TBC1D5: variants seen among roughly 807,000 people sequenced by gnomAD.
TBC1D5 encodes the protein TBC1 domain family member 5.
Under a neutral mutation model 100.3 loss-of-function variants are expected in TBC1D5, and 75 were observed. That is an observed-to-expected ratio of 0.75 (90% CI 0.62 to 0.91). The LOEUF (loss-of-function observed/expected upper bound fraction) is 0.91, where lower values mean the gene tolerates loss of function less well. TBC1D5 is among the 40% of genes least tolerant of loss of function. The pLI, the probability that TBC1D5 is intolerant of heterozygous loss-of-function variation, is 0.00. For missense variants in TBC1D5, 910 were observed against 942.4 expected, an observed-to-expected ratio of 0.97 and a Z score of 0.45; for synonymous variants, 323 against 325.6, an observed-to-expected ratio of 0.99 and a Z score of 0.09.
intron 2 of TBC1D5, 101 bp from the exon 3 acceptor site, chr3:17,508,706 T>G (rs1427805893): frequency 1.9e-6 from 1 of 533,134 alleles, no homozygotes; most frequent in Non-Finnish European, 3.3e-6. Flanking sequence ...TTACAGACAT[T>G]AACAAGTTTT....
chr3:17,723,733 T>C (rs1199050140), intron 1 of TBC1D5, among the ~76,000 whole-genome samples: 1 of 152,172 alleles, frequency 6.6e-6, no homozygotes, highest in Non-Finnish European at 1.5e-5. Flanking sequence ...AAAATACATG[T>C]AGATACCAGT....
chr3:17,583,776 C>T (rs2153541897), intron 2 of TBC1D5, among the ~76,000 whole-genome samples: 1 of 152,220 alleles, frequency 6.6e-6, no homozygotes, highest in African/African-American at 2.4e-5. Context: ...AATGATGCAA[C>T]TGCCATGGAA....
At chr3:17,627,127 A>G (rs950396232) in intron 1 of TBC1D5, among the ~76,000 whole-genome samples, 2 of 152,234 alleles carry the variant, frequency 1.3e-5, no homozygotes, top group African/African-American at 4.8e-5. Context: ...GGCAGGAGCA[A>G]AAACTACTAA....
rs572100437 is a variant in TBC1D5, at chr3:17,361,166, C to T, written c.995+10909G>A. ...TGTAACTATTTACGTGACTGGAACG[C>T]TATTTCCTGTGTGTGAAAAGTACCA... On this transcript the variant is annotated intron_variant, in intron 13 of 21. Coordinates refer to ENST00000253692, the Ensembl canonical transcript of TBC1D5. 1.1e-3 allele frequency among the ~76,000 whole-genome samples: 160 copies of T among 152,030 alleles called. 1 individual carries two copies. The highest frequency in any genetic ancestry group is 3.6e-3 in the African/African-American group (151 of 41,508).
At chr3:17,469,950 T>C (rs1242162973) in intron 3 of TBC1D5, among the ~76,000 whole-genome samples, 1 of 152,262 alleles carries the variant, frequency 6.6e-6, no homozygotes, top group African/African-American at 2.4e-5. Flanking sequence ...AGAATTTAGT[T>C]AATCATCTCA....
chr3:17,582,596 GA>G (rs2096705911), intron 2 of TBC1D5, among the ~76,000 whole-genome samples: 1 of 150,060 alleles, frequency 6.7e-6, no homozygotes, highest in African/African-American at 2.5e-5. Flanking sequence ...TTGAGGTTGA[GA>G]AATGTCTTCA....
At chr3:17,389,436 A>G (rs1423067750) in intron 8 of TBC1D5, among the ~76,000 whole-genome samples, 2 of 152,146 alleles carry the variant, frequency 1.3e-5, no homozygotes, top group Non-Finnish European at 2.9e-5. Context: ...TAAACGTGTC[A>G]AAAGTGGTGG....
chr3:17,336,521 T>C (rs1178327836), intron 13 of TBC1D5, among the ~76,000 whole-genome samples: 2 of 152,080 alleles, frequency 1.3e-5, no homozygotes, highest in South Asian at 2.1e-4. Flanking sequence ...TTGGCATTCA[T>C]TCAAAGTTGT....
intron 2 of TBC1D5, among the ~76,000 whole-genome samples, chr3:17,586,976 G>A (rs1169778253): frequency 2.0e-5 from 3 of 151,778 alleles, no homozygotes; most frequent in Non-Finnish European, 4.4e-5. Context: ...ATGGAAATTT[G>A]ACATTTGAAA....
chr3:17,530,536 G>A (rs937437589), intron 2 of TBC1D5, among the ~76,000 whole-genome samples: 3 of 152,140 alleles, frequency 2.0e-5, no homozygotes, highest in African/African-American at 4.8e-5. Context: ...CACTCCACAA[G>A]GCATTCCTGC....
intron 13 of TBC1D5, among the ~76,000 whole-genome samples, chr3:17,369,017 T>C (rs1461658215): frequency 5.9e-5 from 9 of 152,196 alleles, no homozygotes; most frequent in African/African-American, 1.9e-4. Flanking sequence ...GATTAAGATA[T>C]TTGTGTGATA....
At chr3:17,636,546 C>T (rs965899638) in intron 1 of TBC1D5, among the ~76,000 whole-genome samples, 11 of 152,014 alleles carry the variant, frequency 7.2e-5, no homozygotes, top group African/African-American at 2.7e-4. Flanking sequence ...AATCCCAGCA[C>T]TTTGGGAGGC....
intron 13 of TBC1D5, among the ~76,000 whole-genome samples, chr3:17,352,691 AAAAAAAAAC>A (rs1309377265): frequency 1.3e-5 from 2 of 149,526 alleles, no homozygotes; most frequent in East Asian, 2.0e-4. Context: ...GGCAAAAAAA[AAAAAAAAAC>A]AAAAAAACCT....
At chr3:17,674,303 A>G (rs2068351441) in intron 1 of TBC1D5, among the ~76,000 whole-genome samples, 1 of 152,196 alleles carries the variant, frequency 6.6e-6, no homozygotes, top group Non-Finnish European at 1.5e-5. Flanking sequence ...GATGCCTCTC[A>G]TTTACAATTA....
chr3:17,595,595 G>A (rs1387794254), intron 2 of TBC1D5, among the ~76,000 whole-genome samples: 1 of 152,064 alleles, frequency 6.6e-6, no homozygotes, highest in African/African-American at 2.4e-5. Context: ...TATGCTTTAG[G>A]TCATCAATCT....
chr3:17,628,473 C>T (rs1209521659), intron 1 of TBC1D5, among the ~76,000 whole-genome samples: 1 of 151,826 alleles, frequency 6.6e-6, no homozygotes, highest in Non-Finnish European at 1.5e-5. Context: ...TCTCCCCCCA[C>T]TTCACCATGG....
intron 13 of TBC1D5, among the ~76,000 whole-genome samples, chr3:17,341,010 A>G (rs1025391744): frequency 6.6e-6 from 1 of 152,154 alleles, no homozygotes; most frequent in African/African-American, 2.4e-5. Flanking sequence ...AAGTCCCTCA[A>G]TTTTGCATAA....
intron 3 of TBC1D5, among the ~76,000 whole-genome samples, chr3:17,436,095 C>T (rs1246789769): frequency 6.6e-6 from 1 of 152,068 alleles, no homozygotes; most frequent in East Asian, 1.9e-4. Flanking sequence ...CAGGAGTAAG[C>T]CTTACTGAAT....
chr3:17,689,336 T>C (rs557829857), intron 1 of TBC1D5, among the ~76,000 whole-genome samples: 1 of 151,670 alleles, frequency 6.6e-6, no homozygotes, highest in African/African-American at 2.4e-5. Context: ...GTCCAGGAAT[T>C]TGAGATCAGT....
Sources: allele counts gnomAD v4.1 joint callset (sites outside exome capture counted in the v4.1 genomes callset), GRCh38; gene constraint gnomAD v4.1.1; transcripts MANE v1.5; gene names NCBI Gene and HGNC (gene_info 2026-07-23, HGNC 2026-07-21).